SEZ6L: variants seen among roughly 807,000 people sequenced by gnomAD.
SEZ6L encodes the protein seizure 6-like protein.
In SEZ6L, 37 loss-of-function variants were observed where a neutral mutation model predicts 106.2. That is an observed-to-expected ratio of 0.35 (90% CI 0.27 to 0.46). The LOEUF is 0.46. SEZ6L is among the 20% of genes least tolerant of loss of function. The probability of loss-of-function intolerance (pLI) is 1.00; values close to 1 mark genes in which losing one functional copy is unlikely to be tolerated. For synonymous variants in SEZ6L, 541 were observed against 570.4 expected, an observed-to-expected ratio of 0.95 and a Z score of 0.73; for missense variants, 1,172 against 1,332.8, an observed-to-expected ratio of 0.88 and a Z score of 1.88.
chr22:26,332,824 C>T (rs1021804727), intron 9 of SEZ6L, among the ~76,000 whole-genome samples: 5 of 152,158 alleles, frequency 3.3e-5, no homozygotes, highest in Admixed American at 1.3e-4. Flanking sequence ...TTCTTGAAAA[C>T]GTGTGTATGT....
chr22:26,245,929 A>G lies in SEZ6L; in HGVS notation c.95-46477A>G, dbSNP rs185194136. 1.3e-4 allele frequency among the ~76,000 whole-genome samples: 20 copies of G among 152,368 alleles called. No homozygotes were observed. The East Asian group carries it at 3.9e-3, about 29-fold the overall frequency. ...CTGCTACCTGCTACAAAGGGCAATG[A>G]TGATGATTCCTGTAAATACTCCACG... On this transcript the variant is annotated intron_variant, in intron 1 of 16. Coordinates refer to ENST00000248933, the MANE Select transcript of SEZ6L (RefSeq NM_021115.5).
At chr22:26,301,578 G>C (rs1215600178) in intron 5 of SEZ6L, among the ~76,000 whole-genome samples, 1 of 152,198 alleles carries the variant, frequency 6.6e-6, no homozygotes, top group Non-Finnish European at 1.5e-5. Flanking sequence ...TATTGTGAGA[G>C]GCGTTGCAAT....
chr22:26,344,529 A>T (rs1357465479), intron 10 of SEZ6L, among the ~76,000 whole-genome samples: 1 of 152,204 alleles, frequency 6.6e-6, no homozygotes, highest in East Asian at 1.9e-4. Flanking sequence ...AAACAAATAG[A>T]TGGCTGTGCT....
At chr22:26,247,067 G>A (rs547531715) in intron 1 of SEZ6L, among the ~76,000 whole-genome samples, 1 of 152,178 alleles carries the variant, frequency 6.6e-6, no homozygotes, top group Non-Finnish European at 1.5e-5. Flanking sequence ...GATAGACTCT[G>A]ATATATGAAT....
intron 12 of SEZ6L, among the ~76,000 whole-genome samples, chr22:26,354,567 G>C (rs2083379448): frequency 6.6e-6 from 1 of 152,172 alleles, no homozygotes; most frequent in Non-Finnish European, 1.5e-5. Flanking sequence ...GTGACTGCAA[G>C]AGCGATCAGA....
chr22:26,186,503 G>A (rs1049618672), intron 1 of SEZ6L, among the ~76,000 whole-genome samples: 1 of 152,092 alleles, frequency 6.6e-6, no homozygotes, highest in Admixed American at 6.5e-5. Flanking sequence ...GGGTGGGGAG[G>A]TTAGTGGATG....
chr22:26,263,168 C>T (rs191098005), intron 1 of SEZ6L, among the ~76,000 whole-genome samples: 2 of 152,340 alleles, frequency 1.3e-5, no homozygotes, highest in East Asian at 3.9e-4. Flanking sequence ...CTCATTTCCA[C>T]AACCACCCAA....
At chr22:26,253,569 T>C (rs1444838878) in intron 1 of SEZ6L, among the ~76,000 whole-genome samples, 1 of 152,258 alleles carries the variant, frequency 6.6e-6, no homozygotes. Context: ...ACAAAATAGA[T>C]GCCCAGAAAA....
chr22:26,356,726 T>C (rs889248787), intron 12 of SEZ6L, among the ~76,000 whole-genome samples: 20 of 151,756 alleles, frequency 1.3e-4, no homozygotes, highest in African/African-American at 4.8e-4. Context: ...TGTATACCCG[T>C]TGGGCTGTGC....
chr22:26,370,147 C>A (rs141778175), intron 13 of SEZ6L, among the ~76,000 whole-genome samples: 6,981 of 152,168 alleles, frequency 0.046, 559 homozygotes, highest in African/African-American at 0.16. Flanking sequence ...CTTTGGGAGG[C>A]CAAGGCAGGT....
intron 1 of SEZ6L, among the ~76,000 whole-genome samples, chr22:26,216,669 GAAAAGAAAAAGA>G (rs67514039): frequency 2.1e-4 from 32 of 151,012 alleles, no homozygotes; most frequent in African/African-American, 3.9e-4. Context: ...AAAGAAAAAG[GAAAAGAAAAAGA>G]AAAAGAAAAA....
At chr22:26,217,520 C>T (rs2078333326) in intron 1 of SEZ6L, among the ~76,000 whole-genome samples, 1 of 152,220 alleles carries the variant, frequency 6.6e-6, no homozygotes, top group South Asian at 2.1e-4. Flanking sequence ...AGTGTCACTT[C>T]TGAAGACAGC....
At chr22:26,375,270 G>T (rs1045109632) in intron 14 of SEZ6L, among the ~76,000 whole-genome samples, 1 of 152,162 alleles carries the variant, frequency 6.6e-6, no homozygotes, top group East Asian at 1.9e-4. Context: ...GTCTTCCTGT[G>T]AATTGGACTT....
intron 10 of SEZ6L, among the ~76,000 whole-genome samples, chr22:26,343,994 AG>A (rs577760017): frequency 3.2e-4 from 48 of 152,290 alleles, no homozygotes; most frequent in Middle Eastern, 3.4e-3. Flanking sequence ...GGGCATGAGA[AG>A]GGTATTTGTT....
In SEZ6L at chr22:26,294,826, T is replaced by G. The variant is rs147081024; in HGVS notation, c.969+401T>G. Among the ~76,000 whole-genome samples, 679 of 150,946 alleles carry G rather than the reference T, an allele frequency of 4.5e-3. 8 individuals carry two copies. The highest frequency in any genetic ancestry group is 0.015 in the African/African-American group (617 of 40,420). ...TTCCTTATTTCTCTTTCTCTTTCTT[T>G]CTTGCTTGCTTGCTTGCTTCCTGCT... On this transcript the variant is annotated intron_variant, in intron 3 of 16. Transcript: ENST00000248933.
chr22:26,375,740 C>G, intron 15 of SEZ6L, 51 bp downstream of exon 15: 3 of 1,402,154 alleles, frequency 2.1e-6, no homozygotes, highest in Non-Finnish European at 3.0e-6. Context: ...CACCAGTACT[C>G]AGAGGGACTG....
chr22:26,219,254 G>GTTTTTTT (rs10635478), intron 1 of SEZ6L, among the ~76,000 whole-genome samples: 3 of 135,102 alleles, frequency 2.2e-5, no homozygotes, highest in Admixed American at 7.5e-5. Flanking sequence ...AGAAATACAA[G>GTTTTTTT]TTTTTTTTTT....
chr22:26,258,586 G>T (rs2079899795), intron 1 of SEZ6L, among the ~76,000 whole-genome samples: 2 of 152,198 alleles, frequency 1.3e-5, no homozygotes, highest in Admixed American at 1.3e-4. Flanking sequence ...TTTTTTCTGT[G>T]TTTAAATGAG....
chr22:26,320,257 T>G (rs1383682154), intron 9 of SEZ6L, among the ~76,000 whole-genome samples: 1 of 152,066 alleles, frequency 6.6e-6, no homozygotes, highest in African/African-American at 2.4e-5. Context: ...CCAAGTGCCG[T>G]GGGGCTTGGG....
Sources: allele counts gnomAD v4.1 joint callset (sites outside exome capture counted in the v4.1 genomes callset), GRCh38; gene constraint gnomAD v4.1.1; transcripts MANE v1.5; gene names NCBI Gene and HGNC (gene_info 2026-07-23, HGNC 2026-07-21).